The following LINGO2 variants were observed in gnomAD, a reference collection of about 807,000 sequenced individuals.
The protein encoded by LINGO2 is leucine-rich repeat and immunoglobulin-like domain-containing nogo receptor-interacting protein 2.
Under a neutral mutation model 30.6 loss-of-function variants are expected in LINGO2, and 14 were observed. The observed-to-expected ratio is 0.46, with a 90% CI of 0.30 to 0.72. The LOEUF (loss-of-function observed/expected upper bound fraction) is 0.72. Among genes scored for constraint, LINGO2 ranks in the 30% least tolerant of loss-of-function variants. The probability of loss-of-function intolerance (pLI) is 0.07; values close to 1 mark genes in which losing one functional copy is unlikely to be tolerated. For missense variants in LINGO2, 729 were observed against 751.7 expected (o/e 0.97, Z 0.35); for synonymous variants, 317 against 288.5 (o/e 1.10, Z -1.00).
intron 3 of LINGO2, among the ~76,000 whole-genome samples, chr9:28,310,586 GA>G (rs755338774): frequency 7.4e-4 from 112 of 152,224 alleles, no homozygotes; most frequent in South Asian, 1.4e-3. Flanking sequence ...AAACAGGAAG[GA>G]AAAACTTAAA....
At chr9:29,202,553 GGA>G in the LINGO2 span, among the ~76,000 whole-genome samples, 1 of 151,938 alleles carries the variant, frequency 6.6e-6, no homozygotes, top group African/African-American at 2.4e-5. Context: ...AGAGCTAAAT[GGA>G]AAGATGAATA....
chr9:27,978,986 C>A (rs532505728), intron 5 of LINGO2, among the ~76,000 whole-genome samples: 2 of 151,974 alleles, frequency 1.3e-5, no homozygotes, highest in African/African-American at 4.8e-5. Flanking sequence ...GAGTTCAAGG[C>A]TCAGAGAAGT....
intron 3 of LINGO2, among the ~76,000 whole-genome samples, chr9:28,301,528 C>T (rs1824142887): frequency 6.6e-6 from 1 of 152,130 alleles, no homozygotes; most frequent in Admixed American, 6.6e-5. Flanking sequence ...TAGAGTGAGA[C>T]TGGAGATTCT....
At chr9:28,000,126 A>T (rs1821873860) in intron 5 of LINGO2, among the ~76,000 whole-genome samples, 1 of 152,220 alleles carries the variant, frequency 6.6e-6, no homozygotes, top group Admixed American at 6.5e-5. Flanking sequence ...CGAGTGAAGC[A>T]ACCTGAATAC....
intron 4 of LINGO2, among the ~76,000 whole-genome samples, chr9:28,181,445 C>A (rs1301675031): frequency 6.6e-6 from 1 of 152,142 alleles, no homozygotes; most frequent in African/African-American, 2.4e-5. Context: ...CCAGCAGCAT[C>A]CACATCCCCT....
At chr9:28,010,452 ATCCCTCCTTTT>A in intron 5 of LINGO2, among the ~76,000 whole-genome samples, 1 of 152,130 alleles carries the variant, frequency 6.6e-6, no homozygotes, top group South Asian at 2.1e-4. Context: ...AAGCATTATA[ATCCCTCCTTTT>A]TGCTCTGAAT....
At chr9:28,151,015 A>G (rs1827984463) in intron 4 of LINGO2, among the ~76,000 whole-genome samples, 1 of 152,246 alleles carries the variant, frequency 6.6e-6, no homozygotes, top group Non-Finnish European at 1.5e-5. Context: ...TCAGAATAAA[A>G]CAAAATTAAG....
chr9:29,087,887 T>C, the LINGO2 span, among the ~76,000 whole-genome samples: 4 of 152,146 alleles, frequency 2.6e-5, no homozygotes, highest in Non-Finnish European at 4.4e-5. Context: ...ATGTCCTCAC[T>C]TGTAAAATAG....
chr9:28,830,280 A>G, the LINGO2 span, among the ~76,000 whole-genome samples: 2 of 152,278 alleles, frequency 1.3e-5, no homozygotes, highest in East Asian at 3.9e-4. Flanking sequence ...CATTCCGGCA[A>G]TGAGGACAGT....
intron 4 of LINGO2, among the ~76,000 whole-genome samples, chr9:28,285,927 A>G (rs1823491327): frequency 6.6e-6 from 1 of 152,194 alleles, no homozygotes; most frequent in Non-Finnish European, 1.5e-5. Context: ...CTCCCAATAT[A>G]TGAGACTTTC....
chr9:29,205,998 G>C, the LINGO2 span, among the ~76,000 whole-genome samples: 1 of 152,048 alleles, frequency 6.6e-6, no homozygotes, highest in Non-Finnish European at 1.5e-5. Context: ...TTTGTTACTG[G>C]CTTCTTTCAA....
At chr9:28,263,237 C>A (rs1822629145) in intron 4 of LINGO2, among the ~76,000 whole-genome samples, 1 of 151,940 alleles carries the variant, frequency 6.6e-6, no homozygotes, top group Admixed American at 6.6e-5. Context: ...TCTCTTTCCT[C>A]TAGATCCTCT....
intron 1 of LINGO2, among the ~76,000 whole-genome samples, chr9:28,502,132 A>ACG (rs1491573190): frequency 0.02 from 116 of 5,760 alleles, 1 homozygote; most frequent in African/African-American, 0.076. Flanking sequence ...AGAAACACAG[A>ACG]CACACACACA....
chr9:29,205,672 G>A, the LINGO2 span, among the ~76,000 whole-genome samples: 11 of 152,064 alleles, frequency 7.2e-5, no homozygotes, highest in Admixed American at 2.0e-4. Flanking sequence ...GGTCATCTGC[G>A]CCTTCAGTTT....
intron 2 of LINGO2, among the ~76,000 whole-genome samples, chr9:28,389,208 T>G (rs1821725189): frequency 6.6e-6 from 1 of 152,164 alleles, no homozygotes; most frequent in Non-Finnish European, 1.5e-5. Context: ...ATAAAAATAT[T>G]GAATGGCAAA....
At chr9:28,057,268 A>G (rs1490616134) in intron 4 of LINGO2, among the ~76,000 whole-genome samples, 1 of 151,222 alleles carries the variant, frequency 6.6e-6, no homozygotes, top group African/African-American at 2.4e-5. Context: ...CAATAAGTTA[A>G]GCAAAAGTAA....
At chr9:27,948,633 A>C (rs1823462490) in exon 6 of LINGO2, 1 of 507,208 alleles carries the variant, frequency 2.0e-6, no homozygotes. Context: ...TGCAACGCAA[A>C]CACTTAGTAT....
rs1448875593 is a variant in LINGO2, at chr9:28,210,143, T to G, written c.-87+85065A>C. ...ATGTATTAAATTCAAGGTCCAGATA[T>G]TTCAATATTTTTCCAATTTCTAATG... On this transcript the variant is annotated intron_variant, in intron 4 of 5. Transcript: ENST00000379992. Among the ~76,000 whole-genome samples, 4 of 151,820 alleles carry G rather than the reference T, an allele frequency of 2.6e-5. No homozygotes were observed. In the East Asian group the frequency reaches 7.7e-4, roughly 29 times the overall value.
the LINGO2 span, among the ~76,000 whole-genome samples, chr9:29,052,556 G>GT: frequency 6.6e-6 from 1 of 152,102 alleles, no homozygotes; most frequent in Non-Finnish European, 1.5e-5. Flanking sequence ...AAAAAATCAT[G>GT]TAAGTTTTTG....
Sources: gnomAD v4.1 joint callset for allele counts (sites outside exome capture counted in the v4.1 genomes callset) on GRCh38, gnomAD v4.1.1 for gene constraint, MANE v1.5 for transcripts, NCBI Gene and HGNC (gene_info 2026-07-23, HGNC 2026-07-21) for gene names.